Variants in TRPM7 observed in about 807,000 individuals in gnomAD.
TRPM7 encodes the protein LTRPC ion channel family member 7.
Under a neutral mutation model 229.7 loss-of-function variants are expected in TRPM7, and 134 were observed. The ratio of observed to expected loss-of-function variants is 0.58; its 90% CI spans 0.51 to 0.67. The LOEUF (loss-of-function observed/expected upper bound fraction) is 0.67, where lower values mean the gene tolerates loss of function less well. Among genes scored for constraint, TRPM7 ranks in the 30% least tolerant of loss-of-function variants. TRPM7 has a pLI of 0.00. For missense variants in TRPM7, 1,901 were observed against 2,210.0 expected, an observed-to-expected ratio of 0.86 and a Z score of 2.80; for synonymous variants, 699 against 715.2, an observed-to-expected ratio of 0.98 and a Z score of 0.36.
intron 7 of TRPM7, among the ~76,000 whole-genome samples, chr15:50,636,042 C>G (rs2060894525): frequency 6.6e-6 from 1 of 151,332 alleles, no homozygotes; most frequent in Admixed American, 6.6e-5. Context: ...ATAACTGGAA[C>G]TGATCAATAA....
At chr15:50,627,375 G>C (rs776373465) in intron 11 of TRPM7, among the ~76,000 whole-genome samples, 1 of 152,102 alleles carries the variant, frequency 6.6e-6, no homozygotes, top group Non-Finnish European at 1.5e-5. Flanking sequence ...TTAGAGGCCA[G>C]AAAGATAGGA....
chr15:50,630,659 T>C (rs907745683), intron 10 of TRPM7, among the ~76,000 whole-genome samples: 1 of 152,162 alleles, frequency 6.6e-6, no homozygotes, highest in South Asian at 2.1e-4. Context: ...CACTTATTTT[T>C]CAGCTGATTA....
At chr15:50,670,116 C>T (rs769655095) in intron 1 of TRPM7, among the ~76,000 whole-genome samples, 15 of 152,102 alleles carry the variant, frequency 9.9e-5, no homozygotes, top group Non-Finnish European at 1.5e-4. Flanking sequence ...CTCTCTATCA[C>T]GGACACAAGA....
rs757614624 is a variant in TRPM7 at position 50,592,130 on chromosome 15, GTC to G, written c.4103_4104del (p.Arg1368ThrfsTer11). 6.2e-7 allele frequency: 1 copy of G among 1,613,408 alleles called. No individual in the cohort carries two copies. The highest frequency in any genetic ancestry group is 1.1e-5 in the South Asian group (1 of 90,938). On this transcript the variant is annotated frameshift_variant, in exon 26 of 39. Transcript: ENST00000646667. LOFTEE classifies it high-confidence loss of function. Reference sequence around the variant, plus strand: ...ATTTTTAAGAGTTCTACCCCATGTAGTCTCTGTCGCAGTTCTGGAGGGGAAAC... The same window carrying G: ...ATTTTTAAGAGTTCTACCCCATGTAGTCTGTCGCAGTTCTGGAGGGGAAAC... ...SAVSPPELRQ[R>X]LHGVELLKIF...
At chr15:50,581,360 G>A (rs1210272352) in intron 29 of TRPM7, among the ~76,000 whole-genome samples, 5 of 151,966 alleles carry the variant, frequency 3.3e-5, no homozygotes, top group African/African-American at 7.2e-5. Context: ...TTAGCTGGGC[G>A]TGGTGGCGGG....
intron 38 of TRPM7, among the ~76,000 whole-genome samples, chr15:50,565,958 G>T (rs903069215): frequency 4.0e-5 from 6 of 151,808 alleles, no homozygotes; most frequent in Non-Finnish European, 8.8e-5. Context: ...TGAGTAGCTG[G>T]GATTACAGGC....
At chr15:50,622,465 T>C (rs1026981209) in intron 12 of TRPM7, among the ~76,000 whole-genome samples, 5 of 152,264 alleles carry the variant, frequency 3.3e-5, no homozygotes, top group African/African-American at 9.6e-5. Flanking sequence ...TTATTTTACA[T>C]TGCTTTATAG....
intron 12 of TRPM7, 124 bp from the exon 13 acceptor site, chr15:50,619,922 T>C (rs1320948069): frequency 1.3e-6 from 1 of 782,226 alleles, no homozygotes; most frequent in Non-Finnish European, 2.0e-6. Context: ...TTAAGTTCTA[T>C]TCATAAAGTA....
At chr15:50,620,942 T>C (rs377050342) in intron 12 of TRPM7, among the ~76,000 whole-genome samples, 1 of 147,962 alleles carries the variant, frequency 6.8e-6, no homozygotes, top group Non-Finnish European at 1.5e-5. Flanking sequence ...CCCAAAAAAG[T>C]AAAAAATTTA....
rs548062177 is a variant in TRPM7, at chr15:50,573,582, C to A, written c.5308+692G>T. Among the ~76,000 whole-genome samples the A allele has an allele frequency of 5.9e-5, 9 of 152,214 alleles. No homozygotes were observed. The South Asian group carries it at 1.7e-3, about 28-fold the overall frequency. ...AAATAAAATGGCAGTTGTTTTAAAT[C>A]CACTAAATTTTTAGGTAGTTTAGTT... On this transcript the variant is annotated intron_variant, in intron 36 of 38. Transcript: ENST00000646667.
chr15:50,680,823 T>A (rs1022248615), intron 1 of TRPM7, among the ~76,000 whole-genome samples: 23 of 152,198 alleles, frequency 1.5e-4, no homozygotes, highest in Admixed American at 1.2e-3. Flanking sequence ...CAAGTTTCTG[T>A]AGTTTGGCAG....
At chr15:50,568,056 G>A (rs1164877012) in intron 38 of TRPM7, among the ~76,000 whole-genome samples, 3 of 135,874 alleles carry the variant, frequency 2.2e-5, no homozygotes, top group Non-Finnish European at 4.6e-5. Flanking sequence ...TCTAGCCTGG[G>A]CAACAGAGCG....
intron 5 of TRPM7, among the ~76,000 whole-genome samples, chr15:50,642,879 A>G (rs2061144456): frequency 6.6e-6 from 1 of 152,176 alleles, no homozygotes; most frequent in Non-Finnish European, 1.5e-5. Context: ...TAAAGACAAA[A>G]TAATAACCAA....
At chr15:50,562,027 T>C (rs2053338756) in intron 38 of TRPM7, among the ~76,000 whole-genome samples, 1 of 152,064 alleles carries the variant, frequency 6.6e-6, no homozygotes, top group African/African-American at 2.4e-5. Flanking sequence ...CCCAAATAGC[T>C]GGGATTACAG....
chr15:50,657,820 C>CTATT lies in TRPM7; in HGVS notation c.84-5_84-2dup. 1 of 1,610,130 alleles carries CTATT rather than the reference C, an allele frequency of 6.2e-7. No homozygotes were observed. The highest frequency in any genetic ancestry group is 8.5e-7 in the Non-Finnish European group (1 of 1,177,456). On this transcript the variant is annotated splice_acceptor_variant, in intron 2 of 38. Coordinates refer to ENST00000646667, the MANE Select transcript of TRPM7 (RefSeq NM_017672.6). LOFTEE classifies it high-confidence loss of function. ...ACAAATTTGACATCCTGGAAGGCAT[C>CTATT]TATTGAACACAAAAAGGTAAATAAA... is the stretch of plus-strand genomic sequence containing the variant.
At chr15:50,643,855 A>G (rs1330867738) in intron 4 of TRPM7, among the ~76,000 whole-genome samples, 1 of 152,178 alleles carries the variant, frequency 6.6e-6, no homozygotes, top group African/African-American at 2.4e-5. Context: ...TACCTGCAGT[A>G]TTTATTGCCT....
At chr15:50,598,195 AGAGT>A (rs2059682993) in intron 22 of TRPM7, among the ~76,000 whole-genome samples, 1 of 152,180 alleles carries the variant, frequency 6.6e-6, no homozygotes, top group African/African-American at 2.4e-5. Flanking sequence ...AGAAAGAATA[AGAGT>A]GAGAGAGAAT....
intron 38 of TRPM7, among the ~76,000 whole-genome samples, chr15:50,565,099 A>G (rs1432101862): frequency 6.6e-6 from 1 of 151,886 alleles, no homozygotes; most frequent in African/African-American, 2.4e-5. Flanking sequence ...CGCCTGCCTC[A>G]GCCTCCCAAG....
intron 10 of TRPM7, 125 bp downstream of exon 10, chr15:50,631,292 T>G (rs1022466653): frequency 2.2e-6 from 1 of 446,508 alleles, no homozygotes. Flanking sequence ...AAAATTCACT[T>G]TGCAAGCATT....
Sources: allele counts gnomAD v4.1 joint callset (sites outside exome capture counted in the v4.1 genomes callset), GRCh38; gene constraint gnomAD v4.1.1; transcripts MANE v1.5; gene names NCBI Gene and HGNC (gene_info 2026-07-23, HGNC 2026-07-21).